The following EHMT1 variants were observed in gnomAD, a reference collection of about 807,000 sequenced individuals.
The protein encoded by EHMT1 is euchromatic histone lysine methyltransferase 1, also known as histone-lysine N-methyltransferase EHMT1.
EHMT1 carries 15 observed loss-of-function variants against 147.2 expected under a neutral mutation model. The observed-to-expected ratio is 0.10, with a 90% CI of 0.07 to 0.16. EHMT1 has a LOEUF of 0.16. Ranked by LOEUF, EHMT1 falls within the 10% of genes least tolerant of loss-of-function variation. The pLI, the probability that EHMT1 is intolerant of heterozygous loss-of-function variation, is 1.00. For missense variants in EHMT1, 1,587 were observed against 1,772.4 expected, an observed-to-expected ratio of 0.90 and a Z score of 1.88; for synonymous variants, 795 against 709.6, an observed-to-expected ratio of 1.12 and a Z score of -1.91.
At chr9:137,824,250 G>A (rs983868447) in intron 25 of EHMT1, among the ~76,000 whole-genome samples, 27 of 152,138 alleles carry the variant, frequency 1.8e-4, no homozygotes, top group Non-Finnish European at 1.9e-4. Flanking sequence ...AAAGATGTGG[G>A]TTTGAAGTAA....
intron 3 of EHMT1, among the ~76,000 whole-genome samples, chr9:137,724,784 A>G (rs1347697692): frequency 1.3e-5 from 2 of 152,200 alleles, no homozygotes; most frequent in African/African-American, 4.8e-5. Context: ...GTGCTGGAGA[A>G]AGACCAAGAA....
Position 137,813,236 on chromosome 9 carries a change from C to T in EHMT1, c.3035+63C>T, listed in dbSNP as rs146810301. ...CGGTCAGCAGGGCTTTGGGAACTTG[C>T]GGTGAAAGCTGCTCCTGAAGCCGAA... On this transcript the variant is annotated intron_variant, in intron 20 of 26. Transcript: ENST00000460843. The surrounding 1 kb of genome is among the most constrained non-coding windows in gnomAD (Gnocchi z 4.9). 27,183 of 1,585,244 alleles carry T rather than the reference C, an allele frequency of 0.017. 317 individuals carry two copies. The highest frequency in any genetic ancestry group is 0.052 in the Middle Eastern group (268 of 5,178).
chr9:137,736,254 A>G (rs1156286823), intron 4 of EHMT1, among the ~76,000 whole-genome samples: 1 of 152,252 alleles, frequency 6.6e-6, no homozygotes, highest in Admixed American at 6.5e-5. Context: ...TTTCAATACA[A>G]TAAGAAGGTA....
chr9:137,675,390 A>G (rs761576929), intron 1 of EHMT1, among the ~76,000 whole-genome samples: 3 of 148,764 alleles, frequency 2.0e-5, no homozygotes, highest in Non-Finnish European at 4.5e-5. Flanking sequence ...GGAGGCATAG[A>G]ATTTGGTGAC....
chr9:137,703,508 C>T (rs1005170780), intron 1 of EHMT1, among the ~76,000 whole-genome samples: 5 of 152,180 alleles, frequency 3.3e-5, no homozygotes, highest in Admixed American at 3.3e-4. Context: ...GAATTTCTTC[C>T]ACCACATACC....
chr9:137,717,626 A>AAGGG (rs1554847272), intron 3 of EHMT1, among the ~76,000 whole-genome samples: 2 of 140,254 alleles, frequency 1.4e-5, no homozygotes, highest in South Asian at 2.1e-4. Flanking sequence ...AAAAAAAAAA[A>AAGGG]GAGATGCTGC....
intron 14 of EHMT1, among the ~76,000 whole-genome samples, chr9:137,781,331 G>GGCATCA (rs1951516505): frequency 6.6e-5 from 9 of 137,350 alleles, no homozygotes; most frequent in South Asian, 2.4e-4. Flanking sequence ...TGGTGATGAC[G>GGCATCA]CTGAGACGTG....
chr9:137,623,803 C>G (rs1325584527), intron 1 of EHMT1, among the ~76,000 whole-genome samples: 4 of 152,120 alleles, frequency 2.6e-5, no homozygotes, highest in African/African-American at 7.2e-5. Flanking sequence ...GCTCCAATAT[C>G]TTTCAGTTTT....
intron 1 of EHMT1, among the ~76,000 whole-genome samples, chr9:137,625,828 A>G (rs1209545424): frequency 6.6e-6 from 1 of 151,056 alleles, no homozygotes; most frequent in East Asian, 1.9e-4. Flanking sequence ...TTCAGTTGTT[A>G]TTTATATATA....
At chr9:137,790,747 G>A in intron 15 of EHMT1, 101 bp from the exon 16 acceptor site, 1 of 1,549,408 alleles carries the variant, frequency 6.5e-7, no homozygotes, top group East Asian at 2.2e-5. Flanking sequence ...CTGAAACAGT[G>A]CAGCTCTCTT....
At chr9:137,810,234 C>T (rs1335889864) in intron 18 of EHMT1, among the ~76,000 whole-genome samples, 9 of 145,638 alleles carry the variant, frequency 6.2e-5, no homozygotes, top group East Asian at 4.1e-4. Context: ...GTTCCGATGC[C>T]GCCCCGCGTG....
chr9:137,743,741 C>T lies in EHMT1; in HGVS notation c.982-161C>T, dbSNP rs185439668. ...GCCCTCCTCACCACAGCCCACCTGT[C>T]TGCCGGGCTCTTCTCCAGGTGGCAG... On this transcript the variant is annotated intron_variant, in intron 5 of 26. Coordinates refer to ENST00000460843, the MANE Select transcript of EHMT1 (RefSeq NM_024757.5). Among the ~76,000 whole-genome samples the T allele has an allele frequency of 2.6e-3, 401 of 152,334 alleles. 2 individuals carry two copies. Among genetic ancestry groups the T allele is most frequent in the African/African-American group, 9.4e-3 (392 of 41,572 alleles).
At chr9:137,809,521 C>A (rs572567900) in intron 18 of EHMT1, among the ~76,000 whole-genome samples, 2 of 152,298 alleles carry the variant, frequency 1.3e-5, no homozygotes, top group South Asian at 4.1e-4. Flanking sequence ...CCTCCTCAGC[C>A]GCCGCAGCAA....
At chr9:137,765,173 C>T (rs1427519666) in intron 10 of EHMT1, among the ~76,000 whole-genome samples, 1 of 152,348 alleles carries the variant, frequency 6.6e-6, no homozygotes, top group South Asian at 2.1e-4. Context: ...TCTGTCATTC[C>T]TCCTGCAAGT....
intron 8 of EHMT1, among the ~76,000 whole-genome samples, chr9:137,755,142 A>T (rs1367469747): frequency 1.3e-5 from 2 of 152,196 alleles, no homozygotes; most frequent in African/African-American, 4.8e-5. Context: ...AAGTTTTAAC[A>T]TGCTTATGAC....
intron 4 of EHMT1, chr9:137,743,067 G>T: frequency 2.5e-6 from 1 of 395,676 alleles, no homozygotes; most frequent in East Asian, 5.7e-5. Flanking sequence ...TCAGAGCCCT[G>T]CTACTGATGA....
chr9:137,811,881 C>CA (rs1954517715), intron 19 of EHMT1, among the ~76,000 whole-genome samples: 1 of 152,224 alleles, frequency 6.6e-6, no homozygotes, highest in Non-Finnish European at 1.5e-5. Context: ...TGATACTCCT[C>CA]ACATGGCTGA....
intron 1 of EHMT1, among the ~76,000 whole-genome samples, chr9:137,651,668 A>G (rs974563816): frequency 6.6e-6 from 1 of 152,170 alleles, no homozygotes; most frequent in African/African-American, 2.4e-5. Context: ...GTTGGCACAC[A>G]CTTATAATCC....
intron 1 of EHMT1, among the ~76,000 whole-genome samples, chr9:137,657,919 C>T (rs898548327): frequency 2.0e-5 from 3 of 151,904 alleles, no homozygotes; most frequent in Admixed American, 2.0e-4. Flanking sequence ...CCATCTCCAT[C>T]AGTTCAGTCA....
Sources: gnomAD v4.1 joint callset for allele counts (sites outside exome capture counted in the v4.1 genomes callset) on GRCh38, gnomAD v4.1.1 for gene constraint, Gnocchi (gnomAD v3.1) non-coding constraint, MANE v1.5 for transcripts, NCBI Gene and HGNC (gene_info 2026-07-23, HGNC 2026-07-21) for gene names.